TMEFF2: variants seen among roughly 807,000 people sequenced by gnomAD.
The protein encoded by TMEFF2 is transmembrane protein with EGF like and two follistatin like domains 2, also known as tomoregulin-2.
In TMEFF2, 28 loss-of-function variants were observed where a neutral mutation model predicts 53.8. The observed-to-expected ratio is 0.52, with a 90% CI of 0.39 to 0.71. The LOEUF is 0.71. Ranked by LOEUF, TMEFF2 falls within the 30% of genes least tolerant of loss-of-function variation. TMEFF2 has a pLI of 0.00. For missense variants in TMEFF2, 353 were observed against 455.2 expected (o/e 0.78, Z 2.04); for synonymous variants, 162 against 166.3 (o/e 0.97, Z 0.20).
intron 4 of TMEFF2, among the ~76,000 whole-genome samples, chr2:192,132,589 T>C (rs1689870571): frequency 6.6e-6 from 1 of 151,528 alleles, no homozygotes; most frequent in African/African-American, 2.4e-5. Flanking sequence ...ATTCCTTGCC[T>C]CCACTGTGAG....
intron 4 of TMEFF2, among the ~76,000 whole-genome samples, chr2:192,082,324 A>T (rs1205678822): frequency 1.3e-5 from 2 of 152,160 alleles, no homozygotes; most frequent in Non-Finnish European, 2.9e-5. Flanking sequence ...CTAAGACCAC[A>T]CGAGGCTTTA....
intron 4 of TMEFF2, among the ~76,000 whole-genome samples, chr2:192,097,283 A>G (rs1360122820): frequency 6.6e-6 from 1 of 152,244 alleles, no homozygotes; most frequent in African/African-American, 2.4e-5. Flanking sequence ...TCACAACAGA[A>G]GTACATAGAT....
At position 192,164,713 on chromosome 2, in the gene TMEFF2, C is replaced by T. The variant is rs190578922; in HGVS notation, c.439+14955G>A. Among the ~76,000 whole-genome samples, 14 of 134,022 alleles carry T rather than the reference C, an allele frequency of 1.0e-4. No individual in the cohort carries two copies. In the South Asian group the frequency reaches 1.2e-3, roughly 12 times the overall value. 87.9% of individuals were successfully genotyped at this position (134,022 alleles called of 152,430 possible). On this transcript the variant is annotated intron_variant, in intron 4 of 9. Coordinates refer to ENST00000272771, the MANE Select transcript of TMEFF2 (RefSeq NM_016192.4). ...ACCGCACTCCAGCCTGGTGACATAG[C>T]GAGACTTCGTCTCAAAAAAAAAAAA...
intron 4 of TMEFF2, among the ~76,000 whole-genome samples, chr2:192,086,912 C>T (rs1688681247): frequency 6.6e-6 from 1 of 151,802 alleles, no homozygotes; most frequent in South Asian, 2.1e-4. Context: ...GCATCATTTG[C>T]TAGATTGGAT....
chr2:192,191,809 G>A (rs1691466960), intron 2 of TMEFF2, 71 bp downstream of exon 2: 2 of 1,101,434 alleles, frequency 1.8e-6, no homozygotes, highest in South Asian at 2.8e-5. Context: ...CCAAGTGATA[G>A]GCTGTAAAGG....
chr2:192,164,989 T>TGTGTGTGTGTGTGC (rs1396010636), intron 4 of TMEFF2, among the ~76,000 whole-genome samples: 1 of 151,786 alleles, frequency 6.6e-6, no homozygotes, highest in African/African-American at 2.4e-5. Context: ...TGTGTGTGTG[T>TGTGTGTGTGTGTGC]GTGTGTGTGT....
At chr2:192,062,978 T>TTTG (rs71033658) in intron 4 of TMEFF2, among the ~76,000 whole-genome samples, 4 of 151,492 alleles carry the variant, frequency 2.6e-5, no homozygotes, top group East Asian at 1.9e-4. Flanking sequence ...GTTTTTTTTT[T>TTTG]TTGTTGTTGT....
At chr2:191,998,177 C>T (rs1326381167) in intron 7 of TMEFF2, 85 bp downstream of exon 7, 2 of 1,081,460 alleles carry the variant, frequency 1.8e-6, no homozygotes, top group Non-Finnish European at 1.3e-6. Flanking sequence ...GCAAGCTTCA[C>T]TTTGGAATAA....
chr2:192,184,850 T>G (rs1691272916), intron 2 of TMEFF2, among the ~76,000 whole-genome samples: 1 of 152,062 alleles, frequency 6.6e-6, no homozygotes, highest in South Asian at 2.1e-4. Flanking sequence ...ACAGTTTAAT[T>G]TCAAGCTATT....
chr2:192,002,763 G>A (rs1183304231), intron 5 of TMEFF2, among the ~76,000 whole-genome samples: 1 of 152,124 alleles, frequency 6.6e-6, no homozygotes, highest in African/African-American at 2.4e-5. Context: ...GGGGGAGGCG[G>A]AGGTTGCGGT....
chr2:192,151,357 T>G (rs1690383278), intron 4 of TMEFF2, among the ~76,000 whole-genome samples: 1 of 151,916 alleles, frequency 6.6e-6, no homozygotes, highest in South Asian at 2.1e-4. Flanking sequence ...ATCTAGTAAC[T>G]TTTGAGAACC....
At chr2:192,074,326 T>A (rs1236459654) in intron 4 of TMEFF2, among the ~76,000 whole-genome samples, 5 of 151,884 alleles carry the variant, frequency 3.3e-5, no homozygotes, top group Admixed American at 2.6e-4. Context: ...AAAGGGGTGG[T>A]GAGAAGGTGG....
intron 4 of TMEFF2, among the ~76,000 whole-genome samples, chr2:192,164,436 A>G (rs559043657): frequency 6.6e-6 from 1 of 152,256 alleles, no homozygotes; most frequent in Non-Finnish European, 1.5e-5. Flanking sequence ...TACTTTCTTA[A>G]AAGTAATTAC....
chr2:191,961,836 A>C (rs192256878), intron 7 of TMEFF2, among the ~76,000 whole-genome samples: 88 of 152,302 alleles, frequency 5.8e-4, no homozygotes, highest in African/African-American at 1.7e-3. Context: ...AATGTAATGA[A>C]GTCTGAGTTC....
At position 191,990,868 on chromosome 2, in the gene TMEFF2, T is replaced by G. The variant is rs115731932; in HGVS notation, c.745+7394A>C. On this transcript the variant is annotated intron_variant, in intron 7 of 9. Coordinates refer to ENST00000272771, the MANE Select transcript of TMEFF2 (RefSeq NM_016192.4). ...TAAACAGAAATACATTTCCATATACTACATTCCTTTTTTTAAATAATGAAT... is the reference window on the plus strand; with the variant it reads ...TAAACAGAAATACATTTCCATATACGACATTCCTTTTTTTAAATAATGAAT... Among the ~76,000 whole-genome samples the G allele has an allele frequency of 6.3e-3, 962 of 152,096 alleles. 9 individuals carry two copies. The highest frequency in any genetic ancestry group is 0.021 in the African/African-American group (888 of 41,506).
rs983130466 is a variant in TMEFF2, at chr2:192,111,387, T to C, written c.440-53612A>G. Among the ~76,000 whole-genome samples the C allele has an allele frequency of 3.3e-5, 5 of 152,292 alleles. No homozygotes were observed. The East Asian group carries it at 9.7e-4, about 29-fold the overall frequency. ...AGTAAAGGTAACTATTACTATGTTT[T>C]AGCAAGGAGACTGGTGACATTTTGC... On this transcript the variant is annotated intron_variant, in intron 4 of 9. Transcript: ENST00000272771.
chr2:192,106,250 C>T (rs1249821302), intron 4 of TMEFF2, among the ~76,000 whole-genome samples: 1 of 151,528 alleles, frequency 6.6e-6, no homozygotes, highest in African/African-American at 2.4e-5. Context: ...TGCCATTAAA[C>T]ACAAAAATAT....
intron 4 of TMEFF2, among the ~76,000 whole-genome samples, chr2:192,172,218 A>C (rs1362972838): frequency 1.5e-5 from 2 of 133,606 alleles, no homozygotes; most frequent in Non-Finnish European, 3.3e-5. Context: ...TTTTTTTTTT[A>C]ACTGCACCAA....
chr2:192,127,027 G>A (rs561862957), intron 4 of TMEFF2, among the ~76,000 whole-genome samples: 1 of 152,274 alleles, frequency 6.6e-6, no homozygotes, highest in Admixed American at 6.5e-5. Context: ...GAACAGTAAA[G>A]CACTCTTATT....
Sources: allele counts gnomAD v4.1 joint callset (sites outside exome capture counted in the v4.1 genomes callset), GRCh38; gene constraint gnomAD v4.1.1; transcripts MANE v1.5; gene names NCBI Gene and HGNC (gene_info 2026-07-23, HGNC 2026-07-21).